Variants in UACA observed in about 807,000 individuals in gnomAD.
UACA encodes nuclear membrane binding protein.
A neutral mutation model predicts 160.5 loss-of-function variants in UACA; 112 were observed. That is an observed-to-expected ratio of 0.70 (90% confidence interval 0.60 to 0.82). The LOEUF (loss-of-function observed/expected upper bound fraction) is 0.82. Ranked by LOEUF, UACA falls within the 40% of genes least tolerant of loss-of-function variation. The pLI is 0.00. For missense variants in UACA, 1,574 were observed against 1,614.6 expected, an observed-to-expected ratio of 0.97 and a Z score of 0.43; for synonymous variants, 557 against 568.4, an observed-to-expected ratio of 0.98 and a Z score of 0.29.
At chr15:70,750,437 T>C (rs2029975199) in intron 1 of UACA, among the ~76,000 whole-genome samples, 1 of 152,192 alleles carries the variant, frequency 6.6e-6, no homozygotes, top group Admixed American at 6.5e-5. Flanking sequence ...GCTATTTTTC[T>C]AGTATCCAAT....
intron 1 of UACA, among the ~76,000 whole-genome samples, chr15:70,753,859 G>A (rs1394511251): frequency 6.6e-6 from 1 of 152,206 alleles, no homozygotes; most frequent in Non-Finnish European, 1.5e-5. Context: ...AGGCTGGAGT[G>A]CAGTGGCGCG....
At chr15:70,763,977 A>G (rs556697455), upstream of UACA, among the ~76,000 whole-genome samples, 1 of 152,350 alleles carries the variant, frequency 6.6e-6, no homozygotes, top group South Asian at 2.1e-4. Context: ...TTTCAGGAGC[A>G]ACTTCTTTTC....
Position 70,667,532 on chromosome 15 carries a change from A to G in UACA, c.3152T>C (p.Ile1051Thr), listed in dbSNP as rs150879212. Reference sequence around the variant, plus strand: ...TCTTTCCATTTCATGAGACTTCTCAATGAGAACTGTCTTATCTCTCAAATC... The same window carrying G: ...TCTTTCCATTTCATGAGACTTCTCAGTGAGAACTGTCTTATCTCTCAAATC... ...QKDLRDKTVL[I>T]EKSHEMERAL... Residue 1051 changes from isoleucine (I) to threonine (T), a missense_variant, in exon 16 of 19, where the codon ATT (isoleucine) becomes ACT (threonine). By Grantham distance (89) the Ile-to-Thr change is moderately conservative (BLOSUM62 -1). Transcript: ENST00000322954. The G allele has an allele frequency of 5.8e-4, 942 of 1,612,972 alleles. 4 individuals carry two copies. In the Middle Eastern group the frequency reaches 0.012, roughly 20 times the overall value.
chr15:70,657,228 C>A (rs1291524003), intron 18 of UACA, 101 bp from the exon 19 acceptor site: 3 of 879,518 alleles, frequency 3.4e-6, no homozygotes, highest in African/African-American at 3.3e-5. Flanking sequence ...GTCATTGATT[C>A]ATCAAATGCT....
chr15:70,693,890 A>C (rs1244458861), intron 3 of UACA, among the ~76,000 whole-genome samples: 1 of 152,186 alleles, frequency 6.6e-6, no homozygotes, highest in Non-Finnish European at 1.5e-5. Flanking sequence ...AGCAATAAAC[A>C]CATTTCTTTG....
At chr15:70,684,495 T>C (rs949489713) in intron 7 of UACA, 49 bp from the exon 8 acceptor site, 2 of 1,552,376 alleles carry the variant, frequency 1.3e-6, no homozygotes, top group African/African-American at 2.8e-5. Flanking sequence ...TCCAAGGAAA[T>C]ATTGCAGAAA....
intron 1 of UACA, among the ~76,000 whole-genome samples, chr15:70,745,481 GA>G (rs1899680224): frequency 6.7e-6 from 1 of 150,340 alleles, no homozygotes; most frequent in Admixed American, 6.6e-5. Flanking sequence ...TAAACAAATG[GA>G]AAAACATTAA....
At chr15:70,674,475 T>C (rs944205962) in intron 13 of UACA, among the ~76,000 whole-genome samples, 1 of 152,216 alleles carries the variant, frequency 6.6e-6, no homozygotes, top group Non-Finnish European at 1.5e-5. Flanking sequence ...AGTTTAAATA[T>C]ACTTTCTTAT....
At chr15:70,746,847 G>A (rs938871628) in intron 1 of UACA, among the ~76,000 whole-genome samples, 2 of 152,118 alleles carry the variant, frequency 1.3e-5, no homozygotes, top group Non-Finnish European at 2.9e-5. Context: ...CATGGATGAA[G>A]CTAGAAACCA....
At chr15:70,658,537 T>C (rs1163010575) in intron 18 of UACA, among the ~76,000 whole-genome samples, 1 of 152,194 alleles carries the variant, frequency 6.6e-6, no homozygotes, top group East Asian at 1.9e-4. Flanking sequence ...AAAAATGGTA[T>C]GTTCTTATTC....
At chr15:70,702,171 T>C in intron 1 of UACA, 1 of 1,241,156 alleles carries the variant, frequency 8.1e-7, no homozygotes, top group South Asian at 2.6e-5. Flanking sequence ...TCAGGTACAG[T>C]AACTCTATCT....
chr15:70,723,439 T>C (rs75410216), intron 1 of UACA, among the ~76,000 whole-genome samples: 4,064 of 152,294 alleles, frequency 0.027, 207 homozygotes, highest in African/African-American at 0.092. Context: ...ACGTCTAAGA[T>C]CCTCCATGGT....
In UACA at chr15:70,711,814, A is replaced by G. The variant is rs1218647088; in HGVS notation, c.79-12154T>C. Among the ~76,000 whole-genome samples, 4 of 152,294 alleles carry G rather than the reference A, an allele frequency of 2.6e-5. 1 individual carries two copies. The highest frequency in any genetic ancestry group is 6.8e-3 in the Middle Eastern group (2 of 294). On this transcript the variant is annotated intron_variant, in intron 1 of 18. Transcript: ENST00000322954. ...ATAATTATGTGTGAAATACTGAAAT[A>G]GTTCAAAAGAGGGAAAGTCAGAAAA...
intron 1 of UACA, among the ~76,000 whole-genome samples, chr15:70,719,580 ACAT>A (rs1566990143): frequency 6.6e-6 from 1 of 152,158 alleles, no homozygotes; most frequent in Non-Finnish European, 1.5e-5. Context: ...AACCACCAAA[ACAT>A]CATTCTGTTT....
intron 18 of UACA, among the ~76,000 whole-genome samples, chr15:70,659,419 T>TTTTTTTTTTTTTTTTTTTA (rs1896617746): frequency 7.3e-6 from 1 of 137,696 alleles, no homozygotes; most frequent in East Asian, 2.1e-4. Flanking sequence ...TTTTTTTTTT[T>TTTTTTTTTTTTTTTTTTTA]TTTGCTTGTT....
rs371777744 is a variant in UACA at position 70,723,741 on chromosome 15, TC to T, written c.79-24082del. Among the ~76,000 whole-genome samples the T allele has an allele frequency of 9.5e-4, 145 of 151,896 alleles. 2 individuals are homozygous for T. Among genetic ancestry groups the T allele is most frequent in the African/African-American group, 3.4e-3 (140 of 41,398 alleles). On this transcript the variant is annotated intron_variant, in intron 1 of 18. Coordinates refer to ENST00000322954, the MANE Select transcript of UACA (RefSeq NM_018003.4). The stretch of plus-strand genomic sequence containing the variant: ...TCCGCCTCCCAGGTTCACGCCATTC[TC>T]CTGCCTCAGCCTCCCGGGTAGCTGG...
intron 1 of UACA, among the ~76,000 whole-genome samples, chr15:70,708,708 T>G (rs1229521919): frequency 6.6e-6 from 1 of 152,184 alleles, no homozygotes; most frequent in Non-Finnish European, 1.5e-5. Context: ...TGACCTCAAG[T>G]GATCTGCCCA....
intron 1 of UACA, among the ~76,000 whole-genome samples, chr15:70,725,113 G>C (rs1899106967): frequency 6.6e-6 from 1 of 151,910 alleles, no homozygotes; most frequent in Non-Finnish European, 1.5e-5. Flanking sequence ...TCGTTTGATG[G>C]AATATTTGAT....
At chr15:70,685,570 A>C (rs1429316622) in intron 7 of UACA, among the ~76,000 whole-genome samples, 4 of 152,216 alleles carry the variant, frequency 2.6e-5, no homozygotes. Flanking sequence ...AAAGAAATGA[A>C]TATAGAGTAT....
Sources: gnomAD v4.1 joint callset for allele counts (sites outside exome capture counted in the v4.1 genomes callset) on GRCh38, gnomAD v4.1.1 for gene constraint, MANE v1.5 for transcripts, NCBI Gene and HGNC (gene_info 2026-07-23, HGNC 2026-07-21) for gene names.